Variants in PGBD2 observed in about 807,000 individuals in gnomAD.
The protein encoded by PGBD2 is piggyBac transposable element derived 2, also known as piggyBac transposable element-derived protein 2.
In PGBD2, 6 loss-of-function variants were observed where a neutral mutation model predicts 8.1. The ratio of observed to expected loss-of-function variants is 0.74; its 90% CI spans 0.40 to 1.46. PGBD2 has a LOEUF of 1.46. Among genes scored for constraint, PGBD2 ranks in the 40% most tolerant of loss-of-function variants. PGBD2 has a pLI of 0.02. For missense variants in PGBD2, 802 were observed against 739.0 expected (o/e 1.09, Z -0.99); for synonymous variants, 318 against 272.2 (o/e 1.17, Z -1.66).
chr1:248,890,022 G>A, the PGBD2 span, among the ~76,000 whole-genome samples: 1 of 151,474 alleles, frequency 6.6e-6, no homozygotes, highest in East Asian at 1.9e-4. Flanking sequence ...CCACCTCCCG[G>A]GTTCAAGTGA....
chr1:248,906,819 G>A (rs78449027), intron 1 of PGBD2, among the ~76,000 whole-genome samples: 6,092 of 152,190 alleles, frequency 0.04, 415 homozygotes, highest in African/African-American at 0.14. Flanking sequence ...TGAGGTTTCT[G>A]AGGGTCTTTG....
upstream of PGBD2, among the ~76,000 whole-genome samples, chr1:248,904,275 TA>T (rs1194023574): frequency 6.6e-6 from 1 of 151,078 alleles, no homozygotes; most frequent in African/African-American, 2.5e-5. Context: ...CTTAACGGGC[TA>T]AATTTTTTTT....
At position 248,917,474 on chromosome 1, in the gene PGBD2, G is replaced by A. The variant is rs754030598; in HGVS notation, c.890G>A (p.Trp297Ter). 1.2e-6 allele frequency: 2 copies of A among 1,614,028 alleles called. No homozygotes were observed. ...CCTGTGCGACTTGGCTACAAGATTT[G>A]GTGTGGGACAACCAGCAGAGGCTAC... ...GKPVRLGYKI[W>*]CGTTSRGYLV... Residue 297 changes from tryptophan (W) to a stop codon, truncating the protein, a stop_gained, in exon 3 of 3, where the codon TGG (tryptophan) becomes TAG (stop). Coordinates refer to ENST00000329291, the MANE Select transcript of PGBD2 (RefSeq NM_170725.3). LOFTEE classifies it low-confidence loss of function (END_TRUNC).
downstream of PGBD2, among the ~76,000 whole-genome samples, chr1:248,922,454 C>T (rs924371711): frequency 2.0e-5 from 3 of 152,182 alleles, no homozygotes; most frequent in Non-Finnish European, 2.9e-5. Flanking sequence ...TTATTTCTTT[C>T]TCTTGCCTCA....
At chr1:248,912,698 G>C (rs1661942350) in intron 1 of PGBD2, 1 of 151,724 alleles carries the variant, frequency 6.6e-6, no homozygotes, top group Non-Finnish European at 1.5e-5. Flanking sequence ...TTTTAAATAT[G>C]GAACACTTAC....
chr1:248,873,343 G>C, the PGBD2 span, among the ~76,000 whole-genome samples: 3 of 152,224 alleles, frequency 2.0e-5, no homozygotes, highest in Non-Finnish European at 4.4e-5. Context: ...GGCCGTTATC[G>C]CCAACCGTAT....
At position 248,916,999 on chromosome 1, in the gene PGBD2, C is replaced by T. The variant is rs373668825; in HGVS notation, c.415C>T (p.Leu139=). 1.4e-5 allele frequency: 23 copies of T among 1,613,400 alleles called. No homozygotes were observed. Among genetic ancestry groups the T allele is most frequent in the Non-Finnish European group, 1.9e-5 (23 of 1,179,922 alleles). ...TATTGAGGATCTGAAAAGCCAAGAG[C>T]TGAGTCCCGTGGGCCTTTTTGAGTT... The part of the protein sequence containing the change: ...PHIEDLKSQE[L]SPVGLFELFF... Residue 139 remains leucine (L), a synonymous_variant, in exon 3 of 3, where the codon CTG becomes TTG. Transcript: ENST00000329291.
the PGBD2 span, among the ~76,000 whole-genome samples, chr1:248,891,252 G>A: frequency 1.3e-5 from 2 of 152,204 alleles, no homozygotes; most frequent in African/African-American, 4.8e-5. Flanking sequence ...AGCCCTGCCT[G>A]TAGCCAACTA....
At chr1:248,892,791 T>TCATG in the PGBD2 span, among the ~76,000 whole-genome samples, 1 of 152,202 alleles carries the variant, frequency 6.6e-6, no homozygotes, top group African/African-American at 2.4e-5. Flanking sequence ...GGGCCTTGAC[T>TCATG]CATGCAGTAC....
Position 248,913,313 on chromosome 1 carries a change from G to A in PGBD2, c.-47-503G>A, listed in dbSNP as rs950597012. On this transcript the variant is annotated intron_variant, in intron 1 of 2. Transcript: ENST00000329291. ...GCTGAGAACACAGGGAATTTCTTGT[G>A]GGTATTTATAGTTATATAAGTGGTG... Among the ~76,000 whole-genome samples, 6 of 152,030 alleles carry A rather than the reference G, an allele frequency of 3.9e-5. No homozygotes were observed. In the South Asian group the frequency reaches 8.3e-4, roughly 21 times the overall value.
chr1:248,907,179 A>G (rs901329123), intron 1 of PGBD2, among the ~76,000 whole-genome samples: 1 of 152,194 alleles, frequency 6.6e-6, no homozygotes, highest in South Asian at 2.1e-4. Flanking sequence ...CATGTGAGCA[A>G]AAGAATTTAT....
chr1:248,929,181 G>A, the PGBD2 span, among the ~76,000 whole-genome samples: 1 of 152,104 alleles, frequency 6.6e-6, no homozygotes, highest in African/African-American at 2.4e-5. Context: ...ATTAATTGTA[G>A]CCTCAGGCTA....
rs74523049 is a variant in PGBD2 at position 248,909,050 on chromosome 1, A to C, written c.-48+2708A>C. On this transcript the variant is annotated intron_variant, in intron 1 of 2. Coordinates refer to ENST00000329291, the MANE Select transcript of PGBD2 (RefSeq NM_170725.3). ...ATACCTGGCACCCAGTAGATACTTCAGATGTTTGCCAAACGAATGAAAAAG... is the reference window on the plus strand; with the variant it reads ...ATACCTGGCACCCAGTAGATACTTCCGATGTTTGCCAAACGAATGAAAAAG... Among the ~76,000 whole-genome samples the C allele has an allele frequency of 6.9e-3, 1,056 of 152,328 alleles. 15 individuals carry two copies. The highest frequency in any genetic ancestry group is 0.024 in the African/African-American group (995 of 41,564).
chr1:248,878,951 G>A, the PGBD2 span, among the ~76,000 whole-genome samples: 2 of 152,196 alleles, frequency 1.3e-5, no homozygotes, highest in Admixed American at 6.5e-5. Context: ...AGAAGTTAAA[G>A]GTGTTGGGTT....
chr1:248,922,655 T>G (rs992545878), downstream of PGBD2, among the ~76,000 whole-genome samples: 1 of 152,220 alleles, frequency 6.6e-6, no homozygotes, highest in Non-Finnish European at 1.5e-5. Flanking sequence ...TATTGAGAGT[T>G]TTTAGCATGA....
the PGBD2 span, among the ~76,000 whole-genome samples, chr1:248,873,841 C>T: frequency 2.6e-4 from 39 of 152,336 alleles, no homozygotes; most frequent in African/African-American, 6.3e-4. Flanking sequence ...GTGAGAAGCG[C>T]TCTGCTTCCG....
intron 2 of PGBD2, 35 bp downstream of exon 2, chr1:248,913,914 G>T (rs1167132397): frequency 6.3e-7 from 1 of 1,581,790 alleles, no homozygotes; most frequent in Non-Finnish European, 8.7e-7. Flanking sequence ...TTTTATTGAA[G>T]AATTTATTCC....
chr1:248,908,758 G>T (rs1424529666), intron 1 of PGBD2, among the ~76,000 whole-genome samples: 1 of 151,460 alleles, frequency 6.6e-6, no homozygotes, highest in Non-Finnish European at 1.5e-5. Flanking sequence ...AGTCTCTGCA[G>T]GGCTGGTACA....
the PGBD2 span, among the ~76,000 whole-genome samples, chr1:248,877,747 T>C: frequency 5.5e-3 from 832 of 152,286 alleles, 4 homozygotes; most frequent in African/African-American, 0.019. Context: ...TGATGGCTAA[T>C]AGAAGGTGAA....
Sources: allele counts gnomAD v4.1 joint callset (sites outside exome capture counted in the v4.1 genomes callset), GRCh38; gene constraint gnomAD v4.1.1; transcripts MANE v1.5; gene names NCBI Gene and HGNC (gene_info 2026-07-23, HGNC 2026-07-21).